The following LRRC66 variants were observed in gnomAD, a reference collection of about 807,000 sequenced individuals.
LRRC66 encodes the protein leucine rich repeat containing 66.
A neutral mutation model predicts 24.6 loss-of-function variants in LRRC66; 29 were observed. That is an observed-to-expected ratio of 1.18 (90% CI 0.88 to 1.61). The LOEUF (loss-of-function observed/expected upper bound fraction) is 1.61, where lower values mean the gene tolerates loss of function less well. Among genes scored for constraint, LRRC66 ranks in the 40% most tolerant of loss-of-function variants. The probability of loss-of-function intolerance (pLI) is 0.00; values close to 1 mark genes in which losing one functional copy is unlikely to be tolerated. For missense variants in LRRC66, 1,124 were observed against 1,058.0 expected (o/e 1.06, Z -0.87); for synonymous variants, 411 against 397.6 (o/e 1.03, Z -0.40).
At position 51,994,435 on chromosome 4, in the gene LRRC66, G is replaced by A. The variant is rs776170857; in HGVS notation, c.2587C>T (p.Pro863Ser). 6.8e-6 allele frequency: 11 copies of A among 1,614,056 alleles called. No individual in the cohort carries two copies. The African/African-American group carries it at 1.5e-4, about 22-fold the overall frequency. The change falls in exon 5 of 5, where the codon CCC becomes TCC. Residue 863 changes from proline (P) to serine (S), a missense_variant. Transcript: ENST00000682860. ...AAGGCAGCCTTATCAGGATCTGAGG[G>A]AACTTCAGCAGAACATGGTGGTGTT... ...QQTPPCSAEVPSDPDKAAFHE... is the reference protein window; with the variant it reads ...QQTPPCSAEVSSDPDKAAFHE...
intron 3 of LRRC66, among the ~76,000 whole-genome samples, chr4:51,999,495 T>C (rs926161046): frequency 1.3e-5 from 2 of 152,112 alleles, no homozygotes; most frequent in African/African-American, 2.4e-5. Flanking sequence ...GACTGTGGGA[T>C]TGGAAAGAAA....
chr4:52,004,855 G>C (rs558364364), intron 2 of LRRC66, among the ~76,000 whole-genome samples: 1 of 152,300 alleles, frequency 6.6e-6, no homozygotes, highest in Admixed American at 6.5e-5. Context: ...AAACATTATG[G>C]GCAAGGCAGT....
intron 4 of LRRC66, among the ~76,000 whole-genome samples, chr4:51,997,394 T>C (rs1736344833): frequency 6.6e-6 from 1 of 152,228 alleles, no homozygotes; most frequent in South Asian, 2.1e-4. Context: ...TAAATTTTAT[T>C]CAATTTTTAA....
Position 52,017,540 on chromosome 4 carries a change from G to T in LRRC66, c.74C>A (p.Ser25Ter). 4 of 1,611,510 alleles carry T rather than the reference G, an allele frequency of 2.5e-6. No individual in the cohort carries two copies. Among genetic ancestry groups the T allele is most frequent in the Non-Finnish European group, 3.4e-6 (4 of 1,178,972 alleles). The change falls in exon 2 of 5, where the codon TCA becomes TAA. Residue 25 changes from serine (S) to a stop codon, truncating the protein, a stop_gained. Transcript: ENST00000682860. LOFTEE classifies it high-confidence loss of function. ...ATTGAATAAAATATTGCTTTTTCTTGATGCATTTGTCATTATTCCAGTAAA... is the reference window on the plus strand; with the variant it reads ...ATTGAATAAAATATTGCTTTTTCTTTATGCATTTGTCATTATTCCAGTAAA... The part of the protein sequence containing the change: ...LYFTGIMTNA[S>*]RKSNILFNSE...
At chr4:52,009,242 T>G (rs1213954543) in intron 2 of LRRC66, among the ~76,000 whole-genome samples, 2 of 152,066 alleles carry the variant, frequency 1.3e-5, no homozygotes, top group African/African-American at 2.4e-5. Flanking sequence ...GCTAAAGCCA[T>G]TTTTAGAGGC....
In LRRC66 at chr4:51,995,087, A is replaced by T. The variant is rs183576325; in HGVS notation, c.1935T>A (p.Ala645=). The change falls in exon 5 of 5, where the codon GCT becomes GCA. Residue 645 remains alanine, a synonymous_variant. Transcript: ENST00000682860. The stretch of plus-strand genomic sequence containing the variant: ...TGTAGTGGGCTGAAAGCGCTTCCTC[A>T]GCCCTTGCCCCGGACAGCCTTGGCT... ...IQQPRLSGAR[A]EEALSAHYSE... 1.7e-5 allele frequency: 28 copies of T among 1,614,098 alleles called. No homozygotes were observed. In the African/African-American group the frequency reaches 2.9e-4, roughly 17 times the overall value.
At chr4:52,008,388 T>C (rs1278706186) in intron 2 of LRRC66, among the ~76,000 whole-genome samples, 9 of 152,134 alleles carry the variant, frequency 5.9e-5, no homozygotes, top group Admixed American at 2.6e-4. Flanking sequence ...CTCTGACAAT[T>C]TTGCCATCCA....
chr4:52,002,787 G>T (rs1435945732), intron 3 of LRRC66, among the ~76,000 whole-genome samples: 1 of 152,184 alleles, frequency 6.6e-6, no homozygotes, highest in Non-Finnish European at 1.5e-5. Context: ...TCTAGTCCAC[G>T]GTTGTTGACA....
chr4:51,997,851 C>CA lies in LRRC66; in HGVS notation c.752dup (p.Leu251PhefsTer3). The CA allele has an allele frequency of 1.2e-6, 2 of 1,613,988 alleles. No individual in the cohort carries two copies. Among genetic ancestry groups the CA allele is most frequent in the Non-Finnish European group, 1.7e-6 (2 of 1,179,964 alleles). On this transcript the variant is annotated frameshift_variant, in exon 4 of 5. Coordinates refer to ENST00000682860, the MANE Select transcript of LRRC66 (RefSeq NM_001024611.3). LOFTEE classifies it high-confidence loss of function. ...CATCACACTGCCAGTTATTATCAGC[C>CA]AAGTCAACCACTAGATGGGGAAATT...
At chr4:52,001,678 G>T (rs1736450584) in intron 3 of LRRC66, among the ~76,000 whole-genome samples, 1 of 152,200 alleles carries the variant, frequency 6.6e-6, no homozygotes, top group Admixed American at 6.5e-5. Flanking sequence ...AAGATAGTGT[G>T]GCTGGAAAGT....
intron 2 of LRRC66, among the ~76,000 whole-genome samples, chr4:52,005,596 A>G (rs1313816580): frequency 7.5e-5 from 1 of 13,324 alleles, no homozygotes; most frequent in Non-Finnish European, 1.3e-4. Flanking sequence ...TCAAACAAAC[A>G]AACAACAAAA....
chr4:51,997,709 T>C (rs771347324), intron 4 of LRRC66, 39 bp downstream of exon 4: 1 of 1,564,916 alleles, frequency 6.4e-7, no homozygotes, highest in Non-Finnish European at 8.8e-7. Flanking sequence ...CATTTTTCAT[T>C]ATAAATGGAG....
intron 2 of LRRC66, among the ~76,000 whole-genome samples, chr4:52,006,646 A>G (rs1470593417): frequency 2.0e-5 from 3 of 148,734 alleles, no homozygotes; most frequent in Admixed American, 6.7e-5. Context: ...GCACATGTAT[A>G]CATATGTAAC....
intron 2 of LRRC66, among the ~76,000 whole-genome samples, chr4:52,015,497 T>A (rs1736789128): frequency 6.6e-6 from 1 of 152,310 alleles, no homozygotes; most frequent in South Asian, 2.1e-4. Flanking sequence ...TATACGATTC[T>A]CAAGCTGGGT....
rs745337722 is a variant in LRRC66, at chr4:51,995,518, C to T, written c.1504G>A (p.Asp502Asn). The change falls in exon 5 of 5, where the codon GAT (aspartate) becomes AAT (asparagine). Residue 502 changes from aspartate (D) to asparagine (N), a missense_variant. Asp to Asn is a conservative substitution (Grantham distance 23). Coordinates refer to ENST00000682860, the MANE Select transcript of LRRC66 (RefSeq NM_001024611.3). ...GDNTGAGSGN[D>N]GAVYSILQRH... ...TGGAGAATGGAATAGACTGCACCAT[C>T]ATTTCCACTTCCTGCCCCGGTGTTG... 2 of 1,614,080 alleles carry T rather than the reference C, an allele frequency of 1.2e-6. No individual in the cohort carries two copies. The highest frequency in any genetic ancestry group is 2.7e-5 in the African/African-American group (2 of 74,936).
Position 51,995,328 on chromosome 4 carries a change from A to C in LRRC66, c.1694T>G (p.Val565Gly), listed in dbSNP as rs200879356. 33 of 1,614,064 alleles carry C rather than the reference A, an allele frequency of 2.0e-5. No individual in the cohort carries two copies. Among genetic ancestry groups the C allele is most frequent in the Non-Finnish European group, 3.4e-6 (4 of 1,180,028 alleles). Residue 565 changes from valine to glycine, a missense_variant, in exon 5 of 5, where the codon GTC becomes GGC. Physicochemically the swap from Val to Gly is moderately radical, Grantham distance 109. Coordinates refer to ENST00000682860, the MANE Select transcript of LRRC66 (RefSeq NM_001024611.3). Reference sequence around the variant, plus strand: ...GGAATCATAACGGCTTGAGCCAGAGACAGCGTGAGACGTGCCAGCTACAGA... The same window carrying C: ...GGAATCATAACGGCTTGAGCCAGAGCCAGCGTGAGACGTGCCAGCTACAGA... The part of the protein sequence containing the change: ...VSSVAGTSHA[V>G]SGSSRYDSNE...
chr4:52,008,163 C>T (rs1272871655), intron 2 of LRRC66, among the ~76,000 whole-genome samples: 2 of 152,014 alleles, frequency 1.3e-5, no homozygotes, highest in East Asian at 3.9e-4. Context: ...AGATGGCTTC[C>T]CAACTCTGGT....
rs574372128 is a variant in LRRC66, at chr4:51,995,284, G to C, written c.1738C>G (p.Leu580Val). 1 of 1,614,194 alleles carries C rather than the reference G, an allele frequency of 6.2e-7. No homozygotes were observed. The highest frequency in any genetic ancestry group is 1.3e-5 in the African/African-American group (1 of 75,042). ...RYDSNELDPS[L>V]SGEITASLCK... Reference sequence around the variant, plus strand: ...AGGGAAGCTGTTATTTCTCCGGAGAGGGAAGGGTCTAATTCATTGGAATCA... The same window carrying C: ...AGGGAAGCTGTTATTTCTCCGGAGACGGAAGGGTCTAATTCATTGGAATCA... Residue 580 changes from leucine (L) to valine (V), a missense_variant, in exon 5 of 5, where the codon CTC becomes GTC. Transcript: ENST00000682860.
In LRRC66 at chr4:52,000,150, A is replaced by G. The variant is rs537045581; in HGVS notation, c.667-2213T>C. On this transcript the variant is annotated intron_variant, in intron 3 of 4. Transcript: ENST00000682860. ...GCCAAACATGCAGAAGGGATATTAG[A>G]GGAGAAGAAATGGTATGATTCTGGG... Among the ~76,000 whole-genome samples the G allele has an allele frequency of 1.4e-4, 22 of 152,294 alleles. No homozygotes were observed. The East Asian group carries it at 2.9e-3, about 20-fold the overall frequency.
Sources: gnomAD v4.1 joint callset for allele counts (sites outside exome capture counted in the v4.1 genomes callset) on GRCh38, gnomAD v4.1.1 for gene constraint, MANE v1.5 for transcripts, NCBI Gene and HGNC (gene_info 2026-07-23, HGNC 2026-07-21) for gene names.